DSCAM: variants seen among roughly 807,000 people sequenced by gnomAD.
DSCAM encodes DS cell adhesion molecule, also known as cell adhesion molecule DSCAM.
A neutral mutation model predicts 217.7 loss-of-function variants in DSCAM; 47 were observed. The observed-to-expected ratio is 0.22, with a 90% confidence interval of 0.17 to 0.28. DSCAM has a LOEUF of 0.28. Ranked by LOEUF, DSCAM falls within the 10% of genes least tolerant of loss-of-function variation. The pLI is 1.00. For synonymous variants in DSCAM, 1,056 were observed against 1,015.3 expected (o/e 1.04, Z -0.76); for missense variants, 2,080 against 2,618.3 (o/e 0.79, Z 4.49).
intron 4 of DSCAM, among the ~76,000 whole-genome samples, chr21:40,357,861 T>TAAAAA (rs71186927): frequency 1.3e-5 from 2 of 150,998 alleles, no homozygotes. Flanking sequence ...TAAAGTATAA[T>TAAAAA]AAAAAAAAAC....
At chr21:40,287,323 C>A (rs892075173) in intron 10 of DSCAM, among the ~76,000 whole-genome samples, 17 of 152,232 alleles carry the variant, frequency 1.1e-4, no homozygotes, top group African/African-American at 3.9e-4. Context: ...CTGGTGTTGG[C>A]AGAAAATCTG....
chr21:40,226,613 G>A (rs934274510), intron 11 of DSCAM, among the ~76,000 whole-genome samples: 16 of 152,148 alleles, frequency 1.1e-4, no homozygotes, highest in African/African-American at 3.9e-4. Flanking sequence ...ATTGTGTCAG[G>A]CTGTAACAAA....
intron 29 of DSCAM, among the ~76,000 whole-genome samples, chr21:40,055,455 CA>C (rs764529389): frequency 2.0e-5 from 3 of 152,068 alleles, no homozygotes; most frequent in Non-Finnish European, 2.9e-5. Context: ...GGAAAGATCC[CA>C]AATGGATCAG....
chr21:40,288,512 C>G (rs1237509457), intron 10 of DSCAM, among the ~76,000 whole-genome samples: 1 of 152,056 alleles, frequency 6.6e-6, no homozygotes, highest in Non-Finnish European at 1.5e-5. Context: ...GGAGTATTGT[C>G]AAAACAGACA....
chr21:40,409,826 G>A (rs2075307791), intron 3 of DSCAM, among the ~76,000 whole-genome samples: 1 of 152,154 alleles, frequency 6.6e-6, no homozygotes, highest in East Asian at 1.9e-4. Flanking sequence ...AGGCTTGATG[G>A]AATCATATTG....
At chr21:40,356,840 G>T (rs1013044251) in intron 4 of DSCAM, among the ~76,000 whole-genome samples, 1 of 152,164 alleles carries the variant, frequency 6.6e-6, no homozygotes, top group Non-Finnish European at 1.5e-5. Context: ...TCTTTAAGAG[G>T]CTGTGATTCC....
chr21:40,402,049 C>CTTTTTT lies in DSCAM; in HGVS notation c.509-32810_509-32805dup, dbSNP rs71186933. On this transcript the variant is annotated intron_variant, in intron 3 of 32. Transcript: ENST00000400454. The stretch of plus-strand genomic sequence containing the variant: ...AAATTTATTCTTATTATTCTTATTC[C>CTTTTTT]TTTTTTTTTTTTTTTTTTTTTTTTT... 3.9e-4 allele frequency among the ~76,000 whole-genome samples: 23 copies of CTTTTTT among 58,260 alleles called. 2 individuals are homozygous for CTTTTTT. Among genetic ancestry groups the CTTTTTT allele is most frequent in the East Asian group, 2.6e-3 (4 of 1,526 alleles). 38.2% of individuals were successfully genotyped at this position (58,260 alleles called of 152,430 possible).
intron 1 of DSCAM, among the ~76,000 whole-genome samples, chr21:40,777,371 A>G (rs2091497569): frequency 6.6e-6 from 1 of 152,204 alleles, no homozygotes; most frequent in Non-Finnish European, 1.5e-5. Flanking sequence ...AGCAACAAAG[A>G]CTATTCCATA....
rs747258305 is a variant in DSCAM, at chr21:40,659,377, CTAT to C, written c.508+33430_508+33432del. On this transcript the variant is annotated intron_variant, in intron 3 of 32. Coordinates refer to ENST00000400454, the MANE Select transcript of DSCAM (RefSeq NM_001389.5). ...AGTATCTATCTATCTATCTATCTAT[CTAT>C]CTATCTATCTATCATCTCTCTCATC... Among the ~76,000 whole-genome samples, 439 of 147,726 alleles carry C rather than the reference CTAT, an allele frequency of 3.0e-3. 2 individuals are homozygous for C. Among genetic ancestry groups the C allele is most frequent in the African/African-American group, 0.011 (420 of 37,754 alleles).
intron 3 of DSCAM, among the ~76,000 whole-genome samples, chr21:40,574,621 A>G (rs1283104106): frequency 6.6e-6 from 1 of 152,224 alleles, no homozygotes; most frequent in Admixed American, 6.5e-5. Flanking sequence ...ACATTGTTCA[A>G]GAAGTCTTAG....
chr21:40,121,022 T>C (rs1374252237), intron 20 of DSCAM, among the ~76,000 whole-genome samples: 1 of 152,186 alleles, frequency 6.6e-6, no homozygotes, highest in Non-Finnish European at 1.5e-5. Context: ...ACAAGGCATA[T>C]TGTGTCCTGA....
At chr21:40,508,066 T>TG (rs1568862175) in intron 3 of DSCAM, among the ~76,000 whole-genome samples, 3 of 152,164 alleles carry the variant, frequency 2.0e-5, no homozygotes, top group Non-Finnish European at 4.4e-5. Flanking sequence ...GAGAGTATGT[T>TG]TAATCTGGTT....
At chr21:40,076,380 A>G (rs763835062) in intron 26 of DSCAM, among the ~76,000 whole-genome samples, 7 of 152,012 alleles carry the variant, frequency 4.6e-5, no homozygotes, top group Non-Finnish European at 7.4e-5. Flanking sequence ...TAAATGGAGG[A>G]CTCTGAAACC....
intron 1 of DSCAM, among the ~76,000 whole-genome samples, chr21:40,755,511 G>A (rs1441318057): frequency 6.6e-6 from 1 of 152,028 alleles, no homozygotes; most frequent in Non-Finnish European, 1.5e-5. Context: ...ATTCTTGAGA[G>A]GAATCTTAGA....
At position 40,087,507 on chromosome 21, in the gene DSCAM, T is replaced by C. The variant is rs538299629; in HGVS notation, c.3851-220A>G. ...CCCATTGTAGCATTCTTTTCTTCTA[T>C]TGACTAAACATGAGGAGTCCAAATT... On this transcript the variant is annotated intron_variant, in intron 21 of 32. Transcript: ENST00000400454. 2.2e-4 allele frequency among the ~76,000 whole-genome samples: 33 copies of C among 152,338 alleles called. No homozygotes were observed. In the South Asian group the frequency reaches 6.8e-3, roughly 32 times the overall value.
At chr21:40,643,904 T>C (rs564839990) in intron 3 of DSCAM, among the ~76,000 whole-genome samples, 1 of 152,348 alleles carries the variant, frequency 6.6e-6, no homozygotes, top group South Asian at 2.1e-4. Flanking sequence ...TATGTTGTTT[T>C]TGTTACCCAG....
At chr21:40,431,548 A>C (rs546684800) in intron 3 of DSCAM, among the ~76,000 whole-genome samples, 122 of 152,350 alleles carry the variant, frequency 8.0e-4, no homozygotes, top group African/African-American at 2.9e-3. Context: ...ATGAAGACGA[A>C]GACCTTTATG....
At chr21:40,325,904 C>T (rs2074312072) in intron 8 of DSCAM, among the ~76,000 whole-genome samples, 1 of 152,032 alleles carries the variant, frequency 6.6e-6, no homozygotes, top group Non-Finnish European at 1.5e-5. Flanking sequence ...TACTGGCCCT[C>T]TAGTAATATT....
intron 3 of DSCAM, among the ~76,000 whole-genome samples, chr21:40,512,612 C>A (rs2076268459): frequency 6.6e-6 from 1 of 152,114 alleles, no homozygotes; most frequent in South Asian, 2.1e-4. Context: ...TTATTGACTT[C>A]TGATTATTTG....
Sources: allele counts gnomAD v4.1 joint callset (sites outside exome capture counted in the v4.1 genomes callset), GRCh38; gene constraint gnomAD v4.1.1; transcripts MANE v1.5; gene names NCBI Gene and HGNC (gene_info 2026-07-23, HGNC 2026-07-21).